Variants in SPAG6 observed in about 807,000 individuals in gnomAD.
SPAG6 encodes sperm-associated antigen 6.
In SPAG6, 49 loss-of-function variants were observed where a neutral mutation model predicts 58.5. The observed-to-expected ratio is 0.84, with a 90% CI of 0.67 to 1.06. The LOEUF (loss-of-function observed/expected upper bound fraction) is 1.06. Ranked by LOEUF, SPAG6 falls within the 50% of genes least tolerant of loss-of-function variation. The pLI, the probability that SPAG6 is intolerant of heterozygous loss-of-function variation, is 0.00. For missense variants in SPAG6, 560 were observed against 611.3 expected (o/e 0.92, Z 0.89); for synonymous variants, 233 against 225.6 (o/e 1.03, Z -0.29).
intron 2 of SPAG6, chr10:22,359,324 C>A: frequency 2.9e-6 from 1 of 341,960 alleles, no homozygotes; most frequent in Non-Finnish European, 4.1e-6. Context: ...ATGAAGCATA[C>A]TGTTGGAATT....
At chr10:22,408,901 A>G (rs1052529122) in intron 9 of SPAG6, among the ~76,000 whole-genome samples, 1 of 152,182 alleles carries the variant, frequency 6.6e-6, no homozygotes, top group Admixed American at 6.5e-5. Flanking sequence ...CCGATTTTCC[A>G]GGTGCCGTCT....
chr10:22,354,854 C>G (rs1200146528), intron 2 of SPAG6, among the ~76,000 whole-genome samples: 1 of 151,980 alleles, frequency 6.6e-6, no homozygotes, highest in Non-Finnish European at 1.5e-5. Context: ...ACTAAAAATA[C>G]AAAAATTAGC....
At chr10:22,354,095 A>G (rs1037494273) in intron 2 of SPAG6, among the ~76,000 whole-genome samples, 2 of 152,202 alleles carry the variant, frequency 1.3e-5, no homozygotes, top group Non-Finnish European at 1.5e-5. Context: ...ATGGAAAGCC[A>G]TTGAAGTGTT....
intron 2 of SPAG6, among the ~76,000 whole-genome samples, chr10:22,352,209 A>ATGTGTG (rs370765050): frequency 6.7e-6 from 1 of 149,744 alleles, no homozygotes; most frequent in Admixed American, 6.7e-5. Flanking sequence ...GTGTGCGTGT[A>ATGTGTG]TGTGTGTGTG....
At chr10:22,412,035 G>C (rs138755966) in intron 10 of SPAG6, among the ~76,000 whole-genome samples, 1 of 151,816 alleles carries the variant, frequency 6.6e-6, no homozygotes. Flanking sequence ...ATTTTTAGTA[G>C]AGACGGGGTT....
intron 4 of SPAG6, 21 bp from the exon 5 acceptor site, chr10:22,386,733 T>G: frequency 6.2e-7 from 1 of 1,604,954 alleles, no homozygotes; most frequent in Non-Finnish European, 8.5e-7. Flanking sequence ...ACTCACTTAA[T>G]TACTTTTCTT....
intron 2 of SPAG6, among the ~76,000 whole-genome samples, chr10:22,364,144 C>A (rs1435717779): frequency 1.3e-5 from 2 of 151,098 alleles, no homozygotes; most frequent in African/African-American, 4.9e-5. Context: ...CTTACTTTAC[C>A]ATTCATTAGT....
chr10:22,361,513 T>C (rs1431304350), intron 2 of SPAG6: 1 of 152,122 alleles, frequency 6.6e-6, no homozygotes, highest in African/African-American at 2.4e-5. Context: ...TTGGCCAACA[T>C]GGGGAAACCT....
Position 22,345,781 on chromosome 10 carries a change from G to A in SPAG6, c.84G>A (p.Ala28=). ...TCGTGCAGATGGTGGCGGAGCTGGC[G>A]ACTAGACCCCAAAACATCGAGACGC... ...TQFVQMVAEL[A]TRPQNIETLQ... The change falls in exon 2 of 11, where the codon GCG becomes GCA. Residue 28 remains alanine (A), a synonymous_variant. Transcript: ENST00000376624. This position sits in a 1 kb window ranked among gnomAD's most constrained non-coding sequence, Gnocchi z 6.3. The A allele has an allele frequency of 6.2e-7, 1 of 1,613,644 alleles. No individual in the cohort carries two copies. The highest frequency in any genetic ancestry group is 8.5e-7 in the Non-Finnish European group (1 of 1,179,846).
intron 2 of SPAG6, among the ~76,000 whole-genome samples, chr10:22,356,131 T>C (rs1836859667): frequency 6.6e-6 from 1 of 152,214 alleles, no homozygotes; most frequent in South Asian, 2.1e-4. Context: ...GAGAACAAAT[T>C]ACAAATTACC....
At chr10:22,408,998 C>T (rs555058728) in intron 9 of SPAG6, among the ~76,000 whole-genome samples, 25 of 151,424 alleles carry the variant, frequency 1.7e-4, no homozygotes, top group East Asian at 7.8e-4. Context: ...CTTCGGCTCG[C>T]GCACCCACTG....
chr10:22,360,253 G>C (rs1308945640), intron 2 of SPAG6, among the ~76,000 whole-genome samples: 1 of 150,842 alleles, frequency 6.6e-6, no homozygotes, highest in Non-Finnish European at 1.5e-5. Flanking sequence ...TTGAATGAAT[G>C]ACTGTGGACA....
chr10:22,390,814 C>A (rs1423021034), intron 7 of SPAG6, among the ~76,000 whole-genome samples: 1 of 152,014 alleles, frequency 6.6e-6, no homozygotes, highest in East Asian at 1.9e-4. Context: ...ATATAGCTGA[C>A]CTCTTCAGGA....
At chr10:22,413,534 C>CA (rs879796354) in intron 10 of SPAG6, among the ~76,000 whole-genome samples, 93 of 132,218 alleles carry the variant, frequency 7.0e-4, no homozygotes, top group Non-Finnish European at 8.5e-4. Context: ...CTCCGTCTCA[C>CA]AAAAAAAAAA....
intron 10 of SPAG6, among the ~76,000 whole-genome samples, chr10:22,414,230 A>G (rs1395578028): frequency 2.0e-5 from 3 of 152,222 alleles, no homozygotes; most frequent in Non-Finnish European, 4.4e-5. Context: ...TCATAACAAT[A>G]TAATAATAAC....
chr10:22,390,521 G>A (rs1404617318), intron 7 of SPAG6, among the ~76,000 whole-genome samples: 1 of 152,148 alleles, frequency 6.6e-6, no homozygotes, highest in East Asian at 1.9e-4. Context: ...TGCTTTTCCT[G>A]TGTGGTACTA....
Position 22,345,537 on chromosome 10 carries a change from C to A in SPAG6, c.-75C>A. The A allele has an allele frequency of 7.7e-7, 1 of 1,294,126 alleles. No individual in the cohort carries two copies. The highest frequency in any genetic ancestry group is 1.1e-6 in the Non-Finnish European group (1 of 949,706). The allele number at this position is 1,294,126 out of a possible 1,614,324, so 80.2% of individuals were successfully genotyped here. The stretch of plus-strand genomic sequence containing the variant: ...TCGGAGGCCGAGTCGTCGCCACGAT[C>A]GCCCCCTTGGTGGACTCGCAGGCCG... On this transcript the variant is annotated 5_prime_UTR_variant, in exon 1 of 11. Coordinates refer to ENST00000376624, the MANE Select transcript of SPAG6 (RefSeq NM_012443.4). This position sits in a 1 kb window ranked among gnomAD's most constrained non-coding sequence, Gnocchi z 6.3.
Position 22,361,600 on chromosome 10 carries a change from G to A in SPAG6, c.122-3253G>A, listed in dbSNP as rs537988109. The stretch of plus-strand genomic sequence containing the variant: ...AATCTCAGCTACTTAAATGGCTGAG[G>A]CAGAAGAATCACTGGAACCTGGAAG... On this transcript the variant is annotated intron_variant, in intron 2 of 10. Transcript: ENST00000376624. Among the ~76,000 whole-genome samples, 13 of 152,258 alleles carry A rather than the reference G, an allele frequency of 8.5e-5. No homozygotes were observed. The East Asian group carries it at 2.5e-3, about 29-fold the overall frequency.
At chr10:22,400,600 T>A (rs936580247) in intron 8 of SPAG6, among the ~76,000 whole-genome samples, 2 of 151,868 alleles carry the variant, frequency 1.3e-5, no homozygotes, top group African/African-American at 4.8e-5. Context: ...GAGTAGATCC[T>A]ATCTGTTTTG....
Sources: gnomAD v4.1 joint callset for allele counts (sites outside exome capture counted in the v4.1 genomes callset) on GRCh38, gnomAD v4.1.1 for gene constraint, Gnocchi (gnomAD v3.1) non-coding constraint, MANE v1.5 for transcripts, NCBI Gene and HGNC (gene_info 2026-07-23, HGNC 2026-07-21) for gene names.